The following MARCHF7 variants were observed in gnomAD, a reference collection of about 807,000 sequenced individuals.
The protein encoded by MARCHF7 is E3 ubiquitin-protein ligase MARCHF7.
MARCHF7 carries 20 observed loss-of-function variants against 76.5 expected under a neutral mutation model. The observed-to-expected ratio is 0.26, with a 90% CI of 0.18 to 0.38. The LOEUF (loss-of-function observed/expected upper bound fraction) is 0.38. MARCHF7 is among the 10% of genes least tolerant of loss of function. The pLI is 1.00. For synonymous variants in MARCHF7, 295 were observed against 293.0 expected, an observed-to-expected ratio of 1.01 and a Z score of -0.07; for missense variants, 797 against 812.9, an observed-to-expected ratio of 0.98 and a Z score of 0.24.
chr2:159,719,001 T>C lies in MARCHF7; in HGVS notation c.-15+3235T>C, dbSNP rs576862855. 4.6e-5 allele frequency among the ~76,000 whole-genome samples: 7 copies of C among 152,232 alleles called. No individual in the cohort carries two copies. The South Asian group carries it at 1.5e-3, about 32-fold the overall frequency. On this transcript the variant is annotated intron_variant, in intron 3 of 11. Transcript: ENST00000409175. ...GGCACTTCTAATTGCTTATTATTAT[T>C]ATTTTCAGAAAGTGTCTCACTCTGA... is the stretch of plus-strand genomic sequence containing the variant.
chr2:159,740,413 T>C (rs1023257259), intron 4 of MARCHF7, among the ~76,000 whole-genome samples: 5 of 152,204 alleles, frequency 3.3e-5, no homozygotes, highest in Non-Finnish European at 4.4e-5. Context: ...TTTTTAAAAA[T>C]TGGGGACAGG....
At chr2:159,713,334 A>ACC (rs1700503049) in intron 1 of MARCHF7, among the ~76,000 whole-genome samples, 1 of 152,016 alleles carries the variant, frequency 6.6e-6, no homozygotes, top group Admixed American at 6.6e-5. Flanking sequence ...ATGTGTGTCC[A>ACC]CCCCCTCACC....
At chr2:159,752,665 C>A in intron 8 of MARCHF7, 94 bp downstream of exon 8, 1 of 1,136,812 alleles carries the variant, frequency 8.8e-7, no homozygotes, top group Non-Finnish European at 1.2e-6. Flanking sequence ...TGAATTTAGA[C>A]TTTTAACAAG....
intron 3 of MARCHF7, among the ~76,000 whole-genome samples, chr2:159,726,306 A>G (rs573964765): frequency 2.0e-5 from 3 of 152,146 alleles, no homozygotes; most frequent in Admixed American, 2.0e-4. Flanking sequence ...TCTTGCACCC[A>G]GGCCAGAGTG....
rs769657506 is a variant in MARCHF7, at chr2:159,752,564, T to C, written c.1776T>C (p.Ile592=). ...TGAAAAAGTGGTTACAGGCCAAAAT[T>C]AACTCTGGTAAGATTTACCCTTTTG... ...DCMKKWLQAK[I]NSGSSLEAVT... The change falls in exon 8 of 12, where the codon ATT becomes ATC. Residue 592 remains isoleucine, a synonymous_variant. Transcript: ENST00000409175. The C allele has an allele frequency of 3.3e-6, 5 of 1,516,796 alleles. No homozygotes were observed. The highest frequency in any genetic ancestry group is 4.4e-6 in the Non-Finnish European group (5 of 1,131,426). 94.0% of individuals were successfully genotyped at this position (1,516,796 alleles called of 1,614,324 possible).
chr2:159,757,893 A>G (rs1257309463), intron 8 of MARCHF7, among the ~76,000 whole-genome samples: 2 of 152,204 alleles, frequency 1.3e-5, no homozygotes, highest in Non-Finnish European at 2.9e-5. Context: ...CCATTTTGAG[A>G]CAGCATACTT....
chr2:159,716,266 AT>A (rs11454651), intron 3 of MARCHF7, among the ~76,000 whole-genome samples: 99 of 148,260 alleles, frequency 6.7e-4, no homozygotes, highest in Admixed American at 1.8e-3. Context: ...CCAGAAGCAG[AT>A]TTTTTTTTTT....
At chr2:159,724,078 G>A (rs1701915435) in intron 3 of MARCHF7, among the ~76,000 whole-genome samples, 1 of 152,120 alleles carries the variant, frequency 6.6e-6, no homozygotes, top group Non-Finnish European at 1.5e-5. Flanking sequence ...CTCTGGTAGT[G>A]TTTTTGGTCG....
At position 159,743,107 on chromosome 2, in the gene MARCHF7, A is replaced by G. The variant is rs1478559014; in HGVS notation, c.200A>G (p.Tyr67Cys). ...GCGTCACCATTTCAATCTGCATGGTATAGTGAATCTGAGATAACTCAGGGA... is the reference window on the plus strand; with the variant it reads ...GCGTCACCATTTCAATCTGCATGGTGTAGTGAATCTGAGATAACTCAGGGA... Reference protein sequence around the residue: ...ASASPFQSAWYSESEITQGAR... With the variant: ...ASASPFQSAWCSESEITQGAR... The change falls in exon 5 of 12, where the codon TAT becomes TGT. Residue 67 changes from tyrosine (Y) to cysteine (C), a missense_variant. By Grantham distance (194) the Tyr-to-Cys change is radical (BLOSUM62 -2). Transcript: ENST00000409175. 21 of 1,614,070 alleles carry G rather than the reference A, an allele frequency of 1.3e-5. No individual in the cohort carries two copies. The highest frequency in any genetic ancestry group is 1.7e-5 in the Admixed American group (1 of 60,000).
chr2:159,716,868 G>A (rs186951631), intron 3 of MARCHF7, among the ~76,000 whole-genome samples: 42 of 152,276 alleles, frequency 2.8e-4, no homozygotes, highest in African/African-American at 1.0e-3. Flanking sequence ...GATAAGTAAT[G>A]AATCTTTGTT....
intron 3 of MARCHF7, among the ~76,000 whole-genome samples, chr2:159,726,378 T>G (rs1702177650): frequency 6.6e-6 from 1 of 152,182 alleles, no homozygotes; most frequent in African/African-American, 2.4e-5. Context: ...TTCTCCTGCG[T>G]CAGCCCCCTA....
rs954986116 is a variant in MARCHF7 at position 159,769,082 on chromosome 2, G to A, written c.*1740G>A. On this transcript the variant is annotated 3_prime_UTR_variant, in exon 12 of 12. Transcript: ENST00000409175. ...TGACGGTAGAGGAATAAGAGAAAAG[G>A]CTTTCATTGGTTATCAGTTTTAAAT... The A allele has an allele frequency of 1.5e-4, 23 of 152,130 alleles. No homozygotes were observed. Among genetic ancestry groups the A allele is most frequent in the African/African-American group, 4.3e-4 (18 of 41,426 alleles). 9.4% of individuals were successfully genotyped at this position (152,130 alleles called of 1,614,324 possible).
rs749048209 is a variant in MARCHF7, at chr2:159,745,807, A to G, written c.384A>G (p.Ser128=). The G allele has an allele frequency of 2.4e-5, 38 of 1,610,662 alleles. No homozygotes were observed. The highest frequency in any genetic ancestry group is 3.1e-5 in the Non-Finnish European group (36 of 1,178,716). The part of the protein sequence containing the change: ...SWRHSQVPRS[S]SMVLGSFGTD... ...GGCATAGTCAAGTTCCTAGATCTTC[A>G]TCAATGGTACTTGGATCATTTGGAA... The change falls in exon 6 of 12, where the codon TCA becomes TCG. Residue 128 remains serine (S), a synonymous_variant. Transcript: ENST00000409175.
intron 3 of MARCHF7, among the ~76,000 whole-genome samples, chr2:159,725,603 C>A (rs1050384567): frequency 6.6e-6 from 1 of 152,106 alleles, no homozygotes; most frequent in Non-Finnish European, 1.5e-5. Flanking sequence ...GGGTAGATTG[C>A]AAAAATTTTC....
At chr2:159,712,721 G>C (rs1700332309) in intron 1 of MARCHF7, 115 bp downstream of exon 1, 1 of 152,384 alleles carries the variant, frequency 6.6e-6, no homozygotes, top group Non-Finnish European at 1.5e-5. Flanking sequence ...ACCAGGCCGC[G>C]AGTGGGGGAG....
chr2:159,741,356 A>T (rs1249948274), intron 4 of MARCHF7, among the ~76,000 whole-genome samples: 2 of 152,244 alleles, frequency 1.3e-5, no homozygotes, highest in Non-Finnish European at 2.9e-5. Context: ...GTCTCAAAAA[A>T]AAACAACAAA....
At chr2:159,735,865 A>C (rs186289518) in intron 4 of MARCHF7, among the ~76,000 whole-genome samples, 66 of 152,328 alleles carry the variant, frequency 4.3e-4, no homozygotes, top group African/African-American at 1.4e-3. Flanking sequence ...ATGTTGGCTC[A>C]TGCCTGTAAT....
At chr2:159,764,367 A>G (rs1389866782) in intron 10 of MARCHF7, among the ~76,000 whole-genome samples, 3 of 151,986 alleles carry the variant, frequency 2.0e-5, no homozygotes, top group Non-Finnish European at 4.4e-5. Context: ...TAAGAAGACA[A>G]TATCATTGGA....
intron 3 of MARCHF7, 110 bp downstream of exon 3, chr2:159,715,876 T>A (rs1056027295): frequency 6.6e-6 from 1 of 152,238 alleles, no homozygotes; most frequent in Non-Finnish European, 1.5e-5. Flanking sequence ...CTTTCCATTA[T>A]GATCATTGTT....
Sources: gnomAD v4.1 joint callset for allele counts (sites outside exome capture counted in the v4.1 genomes callset) on GRCh38, gnomAD v4.1.1 for gene constraint, MANE v1.5 for transcripts, NCBI Gene and HGNC (gene_info 2026-07-23, HGNC 2026-07-21) for gene names.